KIDINS220: variants seen among roughly 807,000 people sequenced by gnomAD.
KIDINS220 encodes the protein kinase D-interacting substrate of 220 kDa.
A neutral mutation model predicts 157.6 loss-of-function variants in KIDINS220; 63 were observed. The ratio of observed to expected loss-of-function variants is 0.40; its 90% CI spans 0.33 to 0.49. The LOEUF is 0.49. KIDINS220 is among the 20% of genes least tolerant of loss of function. KIDINS220 has a pLI of 0.66. For synonymous variants in KIDINS220, 732 were observed against 783.6 expected (o/e 0.93, Z 1.10); for missense variants, 1,772 against 2,171.2 (o/e 0.82, Z 3.65).
chr2:8,781,948 C>T (rs1448278003), intron 17 of KIDINS220, among the ~76,000 whole-genome samples: 1 of 151,810 alleles, frequency 6.6e-6, no homozygotes, highest in Non-Finnish European at 1.5e-5. Flanking sequence ...ATGGTGAAAC[C>T]CTATATCTAC....
chr2:8,825,550 T>C (rs756631164), intron 2 of KIDINS220, among the ~76,000 whole-genome samples: 9 of 152,070 alleles, frequency 5.9e-5, no homozygotes, highest in Non-Finnish European at 1.2e-4. Flanking sequence ...ACAAGATATA[T>C]ATGTAAGCAA....
intron 21 of KIDINS220, among the ~76,000 whole-genome samples, chr2:8,776,000 T>C (rs1186736066): frequency 6.6e-6 from 1 of 152,218 alleles, no homozygotes; most frequent in African/African-American, 2.4e-5. Context: ...TGAATACATA[T>C]ATGTTGATAA....
intron 22 of KIDINS220, among the ~76,000 whole-genome samples, chr2:8,756,486 G>C (rs1390961939): frequency 4.6e-5 from 7 of 152,192 alleles, no homozygotes. Flanking sequence ...TAGCAGTGGT[G>C]AAAGTGGGTA....
Position 8,788,820 on chromosome 2 carries a change from TCA to T in KIDINS220, c.1622-10_1622-9del, listed in dbSNP as rs1252837952. 14 of 1,611,786 alleles carry T rather than the reference TCA, an allele frequency of 8.7e-6. No homozygotes were observed. In the East Asian group the frequency reaches 2.5e-4, roughly 28 times the overall value. On this transcript the variant is annotated splice_polypyrimidine_tract_variant and intron_variant, in intron 14 of 29. Transcript: ENST00000256707. ...CACCAAAGTAAATGACAACTGAAATTCACAGTTTAAAAAAGTTATCCAAAGCA... is the reference window on the plus strand; with the variant it reads ...CACCAAAGTAAATGACAACTGAAATTCAGTTTAAAAAAGTTATCCAAAGCA...
At chr2:8,767,703 T>C (rs1208105393) in intron 22 of KIDINS220, among the ~76,000 whole-genome samples, 4 of 152,132 alleles carry the variant, frequency 2.6e-5, no homozygotes, top group Non-Finnish European at 5.9e-5. Context: ...CTACATGTGA[T>C]AAAATGAAGC....
rs375959155 is a variant in KIDINS220 at position 8,792,938 on chromosome 2, G to A, written c.1276+872C>T. On this transcript the variant is annotated intron_variant, in intron 12 of 29. Coordinates refer to ENST00000256707, the MANE Select transcript of KIDINS220 (RefSeq NM_020738.4). The stretch of plus-strand genomic sequence containing the variant: ...TTCACCAATAGCGAACTCAATGTAC[G>A]AAAAATTATGCAATAATTAAAATAT... Among the ~76,000 whole-genome samples, 10 of 152,210 alleles carry A rather than the reference G, an allele frequency of 6.6e-5. No homozygotes were observed. The East Asian group carries it at 1.5e-3, about 23-fold the overall frequency.
At chr2:8,748,074 A>G in intron 24 of KIDINS220, 74 bp from the exon 25 acceptor site, 1 of 820,044 alleles carries the variant, frequency 1.2e-6, no homozygotes, top group South Asian at 2.6e-5. Flanking sequence ...TTTCAAATGA[A>G]ACCAATAAGA....
intron 21 of KIDINS220, among the ~76,000 whole-genome samples, chr2:8,774,312 A>G (rs1256834386): frequency 6.6e-5 from 10 of 151,520 alleles, no homozygotes; most frequent in Admixed American, 5.3e-4. Flanking sequence ...AAAAAAAAAA[A>G]GAAGGAAAGA....
intron 16 of KIDINS220, 34 bp from the exon 17 acceptor site, chr2:8,786,064 T>C: frequency 6.4e-7 from 1 of 1,571,844 alleles, no homozygotes; most frequent in South Asian, 1.2e-5. Flanking sequence ...ATAATTAACA[T>C]ATCAAGGATC....
At position 8,731,950 on chromosome 2, in the gene KIDINS220, A is replaced by G; in HGVS notation, c.4086T>C (p.Ser1362=). 1 of 1,600,408 alleles carries G rather than the reference A, an allele frequency of 6.2e-7. No individual in the cohort carries two copies. Among genetic ancestry groups the G allele is most frequent in the East Asian group, 2.2e-5 (1 of 44,694 alleles). The change falls in exon 30 of 30, where the codon AGT becomes AGC. Residue 1362 remains serine (S), a synonymous_variant. Coordinates refer to ENST00000256707, the MANE Select transcript of KIDINS220 (RefSeq NM_020738.4). The surrounding 1 kb of genome is among the most constrained non-coding windows in gnomAD (Gnocchi z 5.2). Reference sequence around the variant, plus strand: ...CAATACTGGAATCCTGGGAATTGAGACTCGAAAGACTTGGGGTTCTGCGAG... The same window carrying G: ...CAATACTGGAATCCTGGGAATTGAGGCTCGAAAGACTTGGGGTTCTGCGAG... ...SQTRRTPSLS[S]LNSQDSSIEI...
At chr2:8,755,979 T>C (rs149802531) in intron 22 of KIDINS220, among the ~76,000 whole-genome samples, 5 of 152,360 alleles carry the variant, frequency 3.3e-5, no homozygotes, top group African/African-American at 1.2e-4. Context: ...CAATTGCATA[T>C]GAACTGAAGG....
chr2:8,782,875 A>G (rs1370343299), intron 17 of KIDINS220, among the ~76,000 whole-genome samples: 1 of 152,190 alleles, frequency 6.6e-6, no homozygotes, highest in African/African-American at 2.4e-5. Context: ...TCCACATTCA[A>G]AAATCAATTA....
intron 3 of KIDINS220, 84 bp from the exon 4 acceptor site, chr2:8,817,800 C>A: frequency 1.1e-6 from 1 of 871,170 alleles, no homozygotes; most frequent in South Asian, 1.8e-5. Context: ...AACTTACATA[C>A]CAAATGATCA....
chr2:8,722,160 T>C (rs1662994244), downstream of KIDINS220: 2 of 152,176 alleles, frequency 1.3e-5, no homozygotes, highest in African/African-American at 2.4e-5. Flanking sequence ...ACAGGAGTTT[T>C]AGGAACCATT....
chr2:8,786,049 T>G lies in KIDINS220; in HGVS notation c.1940-19A>C, dbSNP rs1672355147. The G allele has an allele frequency of 6.3e-6, 10 of 1,585,940 alleles. No individual in the cohort carries two copies. The highest frequency in any genetic ancestry group is 8.6e-6 in the Non-Finnish European group (10 of 1,167,178). On this transcript the variant is annotated intron_variant, in intron 16 of 29. Transcript: ENST00000256707. Reference sequence around the variant, plus strand: ...TTTTTACCTGTAATGCAACAAATGGTTTTAATAATTAACATATCAAGGATC... The same window carrying G: ...TTTTTACCTGTAATGCAACAAATGGGTTTAATAATTAACATATCAAGGATC...
chr2:8,786,386 C>T, intron 15 of KIDINS220, 29 bp from the exon 16 acceptor site: 3 of 1,564,238 alleles, frequency 1.9e-6, no homozygotes, highest in South Asian at 1.1e-5. Context: ...TCAAACATTA[C>T]TTTATTATCT....
chr2:8,730,970 C>T lies in KIDINS220; in HGVS notation c.5066G>A (p.Ser1689Asn). Residue 1689 changes from serine to asparagine, a missense_variant, in exon 30 of 30, where the codon AGT becomes AAT. Coordinates refer to ENST00000256707, the MANE Select transcript of KIDINS220 (RefSeq NM_020738.4). ...TTGATTGGCTCTGTTGGCTGGAGCA[C>T]TATTGTTGTTCAGAGTCACGGTGCT... ...TPSTVTLNNN[S>N]APANRANQNF... 1 of 1,614,210 alleles carries T rather than the reference C, an allele frequency of 6.2e-7. No homozygotes were observed. Among genetic ancestry groups the T allele is most frequent in the Non-Finnish European group, 8.5e-7 (1 of 1,180,046 alleles).
intron 13 of KIDINS220, among the ~76,000 whole-genome samples, chr2:8,790,739 G>A (rs773494061): frequency 1.1e-4 from 17 of 152,302 alleles, no homozygotes; most frequent in South Asian, 4.1e-4. Context: ...TCTTGCAAGA[G>A]CAAACAGTCC....
At chr2:8,788,208 T>C (rs151235669) in intron 15 of KIDINS220, among the ~76,000 whole-genome samples, 18 of 152,358 alleles carry the variant, frequency 1.2e-4, no homozygotes, top group African/African-American at 4.1e-4. Context: ...CATGTTTTTA[T>C]TTCTGTATGT....
Sources: gnomAD v4.1 joint callset for allele counts (sites outside exome capture counted in the v4.1 genomes callset) on GRCh38, gnomAD v4.1.1 for gene constraint, Gnocchi (gnomAD v3.1) non-coding constraint, MANE v1.5 for transcripts, NCBI Gene and HGNC (gene_info 2026-07-23, HGNC 2026-07-21) for gene names.